Variants in RSPH14 observed in about 807,000 individuals in gnomAD.
The protein encoded by RSPH14 is rhabdoid tumor deletion region gene 1.
RSPH14 carries 20 observed loss-of-function variants against 26.7 expected under a neutral mutation model. The ratio of observed to expected loss-of-function variants is 0.75; its 90% confidence interval spans 0.53 to 1.09. The LOEUF is 1.09. Ranked by LOEUF, RSPH14 falls within the 50% of genes least tolerant of loss-of-function variation. RSPH14 has a pLI of 0.00. For synonymous variants in RSPH14, 177 were observed against 189.3 expected (o/e 0.93, Z 0.53); for missense variants, 449 against 457.2 (o/e 0.98, Z 0.16).
rs2068357018 is a variant in RSPH14 at position 23,071,039 on chromosome 22, C to A, written c.422-6906G>T. Reference sequence around the variant, plus strand: ...CTTGCCTGAAACCGAGGAGAGGGCCCCAGAGGCCTGGGCCCGAGGACCTGG... The same window carrying A: ...CTTGCCTGAAACCGAGGAGAGGGCCACAGAGGCCTGGGCCCGAGGACCTGG... On this transcript the variant is annotated intron_variant, in intron 4 of 6. Coordinates refer to ENST00000216036, the MANE Select transcript of RSPH14 (RefSeq NM_014433.3). The surrounding 1 kb of genome is among the most constrained non-coding windows in gnomAD (Gnocchi z 4.1). 6.6e-6 allele frequency among the ~76,000 whole-genome samples: 1 copy of A among 152,162 alleles called. No individual in the cohort carries two copies. The highest frequency in any genetic ancestry group is 2.1e-4 in the South Asian group (1 of 4,820).
At chr22:23,166,150 A>T in the RSPH14 span, among the ~76,000 whole-genome samples, 18 of 20,490 alleles carry the variant, frequency 8.8e-4, no homozygotes, top group African/African-American at 1.4e-3. Context: ...TGTCTTTTAA[A>T]AAAAAAAAAA....
upstream of RSPH14, chr22:23,145,640 G>C (rs997666906): frequency 7.2e-7 from 1 of 1,384,850 alleles, no homozygotes; most frequent in Non-Finnish European, 9.7e-7. Flanking sequence ...AGGGCACAGC[G>C]TCCGCGCCCA....
Position 23,068,615 on chromosome 22 carries a change from G to A in RSPH14, c.422-4482C>T, listed in dbSNP as rs537970300. Among the ~76,000 whole-genome samples, 4 of 152,340 alleles carry A rather than the reference G, an allele frequency of 2.6e-5. No individual in the cohort carries two copies. The East Asian group carries it at 7.7e-4, about 29-fold the overall frequency. On this transcript the variant is annotated intron_variant, in intron 4 of 6. Coordinates refer to ENST00000216036, the MANE Select transcript of RSPH14 (RefSeq NM_014433.3). ...AGGCTAGCCTCTGCTCTGGACCACT[G>A]GAAAGGGCCATCTCACTGTTGCATG...
the RSPH14 span, chr22:23,158,915 C>G: frequency 6.2e-7 from 1 of 1,614,160 alleles, no homozygotes; most frequent in South Asian, 1.1e-5. Context: ...TTGGAGGATG[C>G]TCTGAGGGAG....
chr22:23,083,985 G>A (rs2068746840), intron 4 of RSPH14, among the ~76,000 whole-genome samples: 1 of 152,150 alleles, frequency 6.6e-6, no homozygotes, highest in Admixed American at 6.5e-5. Context: ...AGTGTGGTGG[G>A]TGGGAGATGC....
intron 4 of RSPH14, among the ~76,000 whole-genome samples, chr22:23,105,462 G>A (rs1601810603): frequency 3.9e-5 from 6 of 152,372 alleles, no homozygotes; most frequent in African/African-American, 1.4e-4. Context: ...TGAGCCTGCT[G>A]CAGAGGGGTT....
At chr22:23,163,451 A>ATGATCTGACCTCG in the RSPH14 span, 3 of 144,656 alleles carry the variant, frequency 2.1e-5, no homozygotes, top group Non-Finnish European at 4.5e-5. Flanking sequence ...GATGGTCTCG[A>ATGATCTGACCTCG]TGATCTGACC....
At chr22:23,113,018 GA>G (rs781160860) in intron 4 of RSPH14, among the ~76,000 whole-genome samples, 4 of 152,148 alleles carry the variant, frequency 2.6e-5, no homozygotes, top group South Asian at 4.1e-4. Flanking sequence ...AGAAGAAGGG[GA>G]CCTGCTCTGA....
chr22:23,155,962 T>C, the RSPH14 span: 1 of 1,608,968 alleles, frequency 6.2e-7, no homozygotes, highest in South Asian at 1.1e-5. Context: ...CTCACCCACC[T>C]CACAGCTGGG....
At chr22:23,123,156 C>T (rs374781793) in intron 4 of RSPH14, 1 of 1,613,804 alleles carries the variant, frequency 6.2e-7, no homozygotes, top group African/African-American at 1.3e-5. Context: ...CAACACCTCA[C>T]TCATCCTCTT....
intron 4 of RSPH14, among the ~76,000 whole-genome samples, chr22:23,110,825 A>C (rs1333500695): frequency 6.6e-6 from 1 of 152,214 alleles, no homozygotes; most frequent in African/African-American, 2.4e-5. Flanking sequence ...CTGAGAGCTC[A>C]GTGTTGGGAA....
chr22:23,113,239 T>TGGCCCTGTGCCCAGGCAA (rs1167247422), intron 4 of RSPH14, among the ~76,000 whole-genome samples: 1 of 152,222 alleles, frequency 6.6e-6, no homozygotes, highest in Non-Finnish European at 1.5e-5. Flanking sequence ...CAGCGCCACC[T>TGGCCCTGTGCCCAGGCAA]GGCCCTGTGC....
Position 23,064,030 on chromosome 22 carries a change from C to G in RSPH14, c.525G>C (p.Leu175=), listed in dbSNP as rs752205610. 6.2e-6 allele frequency: 10 copies of G among 1,614,086 alleles called. No homozygotes were observed. The Admixed American group carries it at 1.7e-4, about 27-fold the overall frequency. The part of the protein sequence containing the change: ...EEFQEFILDT[L]VLCLQEDATE... ...TGGCATCCTCCTGCAGGCAGAGGAC[C>G]AGTGTGTCCAGGATGAACTCCTGGA... is the stretch of plus-strand genomic sequence containing the variant. Residue 175 remains leucine (L), a synonymous_variant, in exon 5 of 7, where the codon CTG becomes CTC. Transcript: ENST00000216036.
intron 4 of RSPH14, among the ~76,000 whole-genome samples, chr22:23,084,562 A>G (rs2068766030): frequency 1.3e-5 from 2 of 152,226 alleles, no homozygotes; most frequent in African/African-American, 2.4e-5. Flanking sequence ...AGACAGCCAC[A>G]CTGGCCAGGA....
At chr22:23,178,187 C>T in the RSPH14 span, among the ~76,000 whole-genome samples, 4,650 of 152,098 alleles carry the variant, frequency 0.031, 251 homozygotes, top group African/African-American at 0.11. Flanking sequence ...GAGGCCAAGG[C>T]GGGCAGATCA....
the RSPH14 span, chr22:23,150,219 G>C: frequency 7.8e-7 from 1 of 1,284,362 alleles, no homozygotes; most frequent in Non-Finnish European, 1.1e-6. Flanking sequence ...TGAAGCACGT[G>C]AAAGAATGAA....
chr22:23,125,279 TGATGATGA>T, intron 4 of RSPH14, among the ~76,000 whole-genome samples: 1 of 151,082 alleles, frequency 6.6e-6, no homozygotes, highest in East Asian at 2.0e-4. Flanking sequence ...GGTCTGGGGG[TGATGATGA>T]CTCCTGCCCC....
At chr22:23,061,443 C>G (rs1469466267) in intron 6 of RSPH14, among the ~76,000 whole-genome samples, 1 of 152,138 alleles carries the variant, frequency 6.6e-6, no homozygotes, top group African/African-American at 2.4e-5. Context: ...GTCAAGGGCT[C>G]CAGGGTTTGC....
chr22:23,115,180 C>A (rs2069788523), intron 4 of RSPH14, among the ~76,000 whole-genome samples: 1 of 152,138 alleles, frequency 6.6e-6, no homozygotes, highest in Non-Finnish European at 1.5e-5. Context: ...CAGTACAGAG[C>A]CTTCCCCAGC....
Sources: gnomAD v4.1 joint callset for allele counts (sites outside exome capture counted in the v4.1 genomes callset) on GRCh38, gnomAD v4.1.1 for gene constraint, Gnocchi (gnomAD v3.1) non-coding constraint, MANE v1.5 for transcripts, NCBI Gene and HGNC (gene_info 2026-07-23, HGNC 2026-07-21) for gene names.